The following DSCAM variants were observed in gnomAD, a reference collection of about 807,000 sequenced individuals.
The protein encoded by DSCAM is DS cell adhesion molecule.
In DSCAM, 47 loss-of-function variants were observed where a neutral mutation model predicts 217.7. That is an observed-to-expected ratio of 0.22 (90% CI 0.17 to 0.28). DSCAM has a LOEUF of 0.28. Among genes scored for constraint, DSCAM ranks in the 10% least tolerant of loss-of-function variants. The pLI is 1.00. For missense variants in DSCAM, 2,080 were observed against 2,618.3 expected, an observed-to-expected ratio of 0.79 and a Z score of 4.49; for synonymous variants, 1,056 against 1,015.3, an observed-to-expected ratio of 1.04 and a Z score of -0.76.
chr21:40,217,532 A>G (rs2091254354), intron 11 of DSCAM, among the ~76,000 whole-genome samples: 1 of 152,026 alleles, frequency 6.6e-6, no homozygotes. Flanking sequence ...CCCAGTACCC[A>G]ATAGTTGTCT....
At chr21:40,201,886 T>G (rs2091074016) in intron 11 of DSCAM, among the ~76,000 whole-genome samples, 1 of 152,194 alleles carries the variant, frequency 6.6e-6, no homozygotes, top group Admixed American at 6.5e-5. Context: ...GTCCAGGATA[T>G]TAATTGCAGC....
At chr21:40,507,803 T>C (rs2076221694) in intron 3 of DSCAM, among the ~76,000 whole-genome samples, 1 of 152,028 alleles carries the variant, frequency 6.6e-6, no homozygotes, top group South Asian at 2.1e-4. Flanking sequence ...AATAAATGTA[T>C]AAATAAAAAT....
chr21:40,808,280 A>G (rs2091805778), intron 1 of DSCAM, among the ~76,000 whole-genome samples: 1 of 152,164 alleles, frequency 6.6e-6, no homozygotes, highest in Non-Finnish European at 1.5e-5. Flanking sequence ...AGGCCCAAAA[A>G]TGCCCACTGA....
chr21:40,312,117 C>T lies in DSCAM; in HGVS notation c.2026G>A (p.Ala676Thr), dbSNP rs760671095. ...AACTGGCTTTGGTGCTCCACAGCGG[C>T]GGCCTCATTCCGGGCTATGCAGGTG... ...NYTCIARNEAAAVEHQSQLIV... is the reference protein window; with the variant it reads ...NYTCIARNEATAVEHQSQLIV... The change falls in exon 9 of 33, where the codon GCC becomes ACC. Residue 676 changes from alanine to threonine, a missense_variant. Coordinates refer to ENST00000400454, the MANE Select transcript of DSCAM (RefSeq NM_001389.5). The T allele has an allele frequency of 5.6e-6, 9 of 1,613,812 alleles. No homozygotes were observed. Among genetic ancestry groups the T allele is most frequent in the Admixed American group, 1.7e-5 (1 of 59,968 alleles).
chr21:40,249,757 T>A (rs1169491273), intron 11 of DSCAM, among the ~76,000 whole-genome samples: 1 of 151,948 alleles, frequency 6.6e-6, no homozygotes. Flanking sequence ...AAACACAGAG[T>A]TGAGGTAATC....
chr21:40,083,059 C>A (rs2089484882), intron 24 of DSCAM, among the ~76,000 whole-genome samples: 1 of 152,216 alleles, frequency 6.6e-6, no homozygotes, highest in Admixed American at 6.5e-5. Context: ...ATGGTACAGG[C>A]CCTCTTTCCT....
intron 4 of DSCAM, among the ~76,000 whole-genome samples, chr21:40,365,056 C>CTATAATA (rs1167553669): frequency 6.6e-6 from 1 of 150,656 alleles, no homozygotes; most frequent in African/African-American, 2.4e-5. Context: ...AAATGAGTAT[C>CTATAATA]TATAATATAT....
intron 4 of DSCAM, among the ~76,000 whole-genome samples, chr21:40,354,848 CAAAAAAAAAAA>C (rs11314417): frequency 0.61 from 68,997 of 113,648 alleles, 17,796 homozygotes; most frequent in South Asian, 0.72. Flanking sequence ...AACTCTGTCT[CAAAAAAAAAAA>C]AAAAAAAAAA....
chr21:40,692,974 G>A lies in DSCAM; in HGVS notation c.362-18C>T. On this transcript the variant is annotated intron_variant, in intron 2 of 32. Transcript: ENST00000400454. ...CCGTAAAACTGGAAGGCAGAAAGAG[G>A]ACGTCAGTAAGGCACACGGTCAACA... The A allele has an allele frequency of 1.3e-6, 2 of 1,596,532 alleles. No homozygotes were observed. Among genetic ancestry groups the A allele is most frequent in the South Asian group, 1.1e-5 (1 of 90,280 alleles).
chr21:40,682,617 GAAAGAGAA>G (rs1195797812), intron 3 of DSCAM, among the ~76,000 whole-genome samples: 7 of 103,590 alleles, frequency 6.8e-5, no homozygotes, highest in African/African-American at 1.2e-4. Context: ...GAAAGAAAGA[GAAAGAGAA>G]AGAGAGAGAA....
chr21:40,152,758 A>G (rs971613049), intron 16 of DSCAM, among the ~76,000 whole-genome samples: 1 of 152,276 alleles, frequency 6.6e-6, no homozygotes, highest in African/African-American at 2.4e-5. Flanking sequence ...TTAAAGGGAC[A>G]GTAAAACAGT....
chr21:40,783,464 T>C (rs893310717), intron 1 of DSCAM, among the ~76,000 whole-genome samples: 7 of 152,150 alleles, frequency 4.6e-5, no homozygotes, highest in African/African-American at 1.7e-4. Flanking sequence ...TGTGTGTGCA[T>C]GCATACATGT....
intron 18 of DSCAM, among the ~76,000 whole-genome samples, chr21:40,141,448 C>A (rs2090288925): frequency 6.6e-6 from 1 of 152,100 alleles, no homozygotes; most frequent in Admixed American, 6.5e-5. Context: ...AACCCCATCT[C>A]TACTAAAAAT....
chr21:40,796,937 G>T (rs183507752), intron 1 of DSCAM, among the ~76,000 whole-genome samples: 1 of 152,156 alleles, frequency 6.6e-6, no homozygotes, highest in Non-Finnish European at 1.5e-5. Context: ...GATCAGAGGG[G>T]TAGAAACAAT....
intron 3 of DSCAM, among the ~76,000 whole-genome samples, chr21:40,480,926 G>T (rs1601677051): frequency 6.6e-6 from 1 of 152,240 alleles, no homozygotes; most frequent in East Asian, 1.9e-4. Flanking sequence ...ATTTGGGAAA[G>T]AATTAACAAT....
chr21:40,279,253 C>T (rs539945361), intron 10 of DSCAM, among the ~76,000 whole-genome samples: 1 of 152,160 alleles, frequency 6.6e-6, no homozygotes, highest in Admixed American at 6.5e-5. Flanking sequence ...TCTGCTCCCT[C>T]CTTGGAAATA....
At position 40,196,446 on chromosome 21, in the gene DSCAM, T is replaced by TG. The variant is rs1394010582; in HGVS notation, c.2357-7209dup. 2.6e-5 allele frequency among the ~76,000 whole-genome samples: 4 copies of TG among 152,264 alleles called. No individual in the cohort carries two copies. In the East Asian group the frequency reaches 7.7e-4, roughly 29 times the overall value. Reference sequence around the variant, plus strand: ...CCACCGCACGTTGGCTCAGAGTCCCTGGGGGTGGGGGTTATGCATGGATTT... The same window carrying TG: ...CCACCGCACGTTGGCTCAGAGTCCCTGGGGGGTGGGGGTTATGCATGGATTT... On this transcript the variant is annotated intron_variant, in intron 11 of 32. Coordinates refer to ENST00000400454, the MANE Select transcript of DSCAM (RefSeq NM_001389.5).
intron 17 of DSCAM, among the ~76,000 whole-genome samples, chr21:40,142,987 G>A (rs995131827): frequency 6.6e-6 from 1 of 152,116 alleles, no homozygotes; most frequent in East Asian, 1.9e-4. Flanking sequence ...GACTTGAGTC[G>A]TGTACCCTTC....
At chr21:40,066,419 A>AT (rs1433064531) in intron 27 of DSCAM, among the ~76,000 whole-genome samples, 1 of 152,034 alleles carries the variant, frequency 6.6e-6, no homozygotes, top group Non-Finnish European at 1.5e-5. Context: ...ACATTCTCTA[A>AT]TTTTCTCAGC....
Sources: gnomAD v4.1 joint callset for allele counts (sites outside exome capture counted in the v4.1 genomes callset) on GRCh38, gnomAD v4.1.1 for gene constraint, MANE v1.5 for transcripts, NCBI Gene and HGNC (gene_info 2026-07-23, HGNC 2026-07-21) for gene names.